Variants in LRRIQ1 observed in about 807,000 individuals in gnomAD.
The protein encoded by LRRIQ1 is leucine-rich repeat- and IQ domain-containing protein 1.
Under a neutral mutation model 211.9 loss-of-function variants are expected in LRRIQ1, and 210 were observed. That is an observed-to-expected ratio of 0.99 (90% CI 0.89 to 1.11). The LOEUF is 1.11. Ranked by LOEUF, LRRIQ1 falls within the 50% of genes most tolerant of loss-of-function variation. The probability of loss-of-function intolerance (pLI) is 0.00; values close to 1 mark genes in which losing one functional copy is unlikely to be tolerated. For missense variants in LRRIQ1, 2,136 were observed against 1,939.5 expected (o/e 1.10, Z -1.90); for synonymous variants, 699 against 650.1 (o/e 1.08, Z -1.14).
intron 19 of LRRIQ1, among the ~76,000 whole-genome samples, chr12:85,144,558 A>G (rs1297363469): frequency 6.6e-6 from 1 of 151,550 alleles, no homozygotes; most frequent in African/African-American, 2.4e-5. Context: ...ATTTTGGGCT[A>G]AGTGTCAGGC....
intron 5 of LRRIQ1, among the ~76,000 whole-genome samples, chr12:85,046,383 G>A (rs1879588961): frequency 6.6e-6 from 1 of 151,998 alleles, no homozygotes; most frequent in African/African-American, 2.4e-5. Flanking sequence ...GACTATCCCT[G>A]ACTTTATTTA....
chr12:85,076,015 A>G (rs559321295), intron 11 of LRRIQ1, among the ~76,000 whole-genome samples: 2 of 152,072 alleles, frequency 1.3e-5, no homozygotes, highest in Non-Finnish European at 2.9e-5. Flanking sequence ...TTATTCTTCT[A>G]TTCTTCTACT....
intron 17 of LRRIQ1, 139 bp from the exon 18 acceptor site, chr12:85,127,693 A>T: frequency 1.4e-6 from 1 of 704,386 alleles, no homozygotes. Flanking sequence ...ACAATGGTTA[A>T]ACAAAAGAAG....
intron 11 of LRRIQ1, among the ~76,000 whole-genome samples, chr12:85,078,423 GT>G (rs1197953031): frequency 6.6e-6 from 1 of 152,086 alleles, no homozygotes; most frequent in Non-Finnish European, 1.5e-5. Flanking sequence ...GAGTAGGCTT[GT>G]TTTTTACAAC....
rs200921929 is a variant in LRRIQ1, at chr12:85,217,550, G to GTA, written c.4823-11962_4823-11961dup. ...TGTGTGTGTGTGTGTGTGTGTGTGTGTATATAGGTATATATATGTGTGTAT... is the reference window on the plus strand; with the variant it reads ...TGTGTGTGTGTGTGTGTGTGTGTGTGTATATATAGGTATATATATGTGTGTAT... On this transcript the variant is annotated intron_variant, in intron 24 of 26. Coordinates refer to ENST00000393217, the MANE Select transcript of LRRIQ1 (RefSeq NM_001079910.2). Among the ~76,000 whole-genome samples the GTA allele has an allele frequency of 1.7e-4, 17 of 99,802 alleles. No individual in the cohort carries two copies. In the East Asian group the frequency reaches 1.9e-3, roughly 11 times the overall value. 65.5% of individuals were successfully genotyped at this position (99,802 alleles called of 152,430 possible).
At chr12:85,094,623 G>A (rs1885700710) in intron 11 of LRRIQ1, among the ~76,000 whole-genome samples, 1 of 151,908 alleles carries the variant, frequency 6.6e-6, no homozygotes, top group Non-Finnish European at 1.5e-5. Flanking sequence ...ATTAATTTTA[G>A]AATAGTTTTT....
rs1171793620 is a variant in LRRIQ1, at chr12:85,250,896, TATATATTATATATA to T, written c.121+5995_121+6008del. ...ATATTATATTATATATAATATATTT[TATATATTATATATA>T]ATATATTTTATATATTATATATTAT... is the stretch of plus-strand genomic sequence containing the variant. On this transcript the variant is annotated intron_variant, in intron 1 of 1. Transcript: ENST00000602731. Among the ~76,000 whole-genome samples, 31 of 100,372 alleles carry T rather than the reference TATATATTATATATA, an allele frequency of 3.1e-4. No homozygotes were observed. In the South Asian group the frequency reaches 6.2e-3, roughly 20 times the overall value. 65.8% of individuals were successfully genotyped at this position (100,372 alleles called of 152,430 possible).
At chr12:85,089,340 A>G (rs886372650) in intron 11 of LRRIQ1, among the ~76,000 whole-genome samples, 11 of 152,206 alleles carry the variant, frequency 7.2e-5, no homozygotes, top group Non-Finnish European at 1.0e-4. Context: ...AAAATTTTGA[A>G]ACAGCTTTGG....
chr12:85,168,679 T>C (rs1310689909), intron 24 of LRRIQ1, among the ~76,000 whole-genome samples: 1 of 152,226 alleles, frequency 6.6e-6, no homozygotes, highest in East Asian at 1.9e-4. Flanking sequence ...AAGAGTACCA[T>C]ATATTGGACA....
chr12:85,098,435 A>G lies in LRRIQ1; in HGVS notation c.2968A>G (p.Thr990Ala). The change falls in exon 12 of 27, where the codon ACA becomes GCA. Residue 990 changes from threonine to alanine, a missense_variant. Coordinates refer to ENST00000393217, the MANE Select transcript of LRRIQ1 (RefSeq NM_001079910.2). Reference protein sequence around the residue: ...QLINTKGLCDTPTIVYLDCSH... With the variant: ...QLINTKGLCDAPTIVYLDCSH... ...AATTAATACAAAAGGTCTTTGTGATACACCTACCATTGTATACCTAGATTG... is the reference window on the plus strand; with the variant it reads ...AATTAATACAAAAGGTCTTTGTGATGCACCTACCATTGTATACCTAGATTG... 5.0e-6 allele frequency: 8 copies of G among 1,610,864 alleles called. No homozygotes were observed. The highest frequency in any genetic ancestry group is 5.9e-6 in the Non-Finnish European group (7 of 1,177,958).
chr12:85,140,787 A>ATGC (rs955352979), intron 19 of LRRIQ1, among the ~76,000 whole-genome samples: 1 of 151,210 alleles, frequency 6.6e-6, no homozygotes, highest in African/African-American at 2.4e-5. Context: ...AGAGATTAAG[A>ATGC]TGCTGCTGCT....
chr12:85,256,447 A>C (rs556385718), intron 1 of LRRIQ1, among the ~76,000 whole-genome samples: 2 of 151,810 alleles, frequency 1.3e-5, no homozygotes, highest in South Asian at 4.1e-4. Context: ...GTTAAATATG[A>C]AATGCATTTG....
intron 18 of LRRIQ1, among the ~76,000 whole-genome samples, chr12:85,135,987 G>GA (rs1296203328): frequency 8.6e-5 from 13 of 151,204 alleles, no homozygotes; most frequent in East Asian, 1.9e-4. Flanking sequence ...ATATTTTTAG[G>GA]AAAAAAAATA....
At chr12:85,203,376 T>C (rs1357270764) in intron 24 of LRRIQ1, among the ~76,000 whole-genome samples, 1 of 151,842 alleles carries the variant, frequency 6.6e-6, no homozygotes, top group East Asian at 2.0e-4. Flanking sequence ...TAAATTGCTA[T>C]CAGTAGAGTG....
Position 85,152,336 on chromosome 12 carries a change from A to G in LRRIQ1, c.4386A>G (p.Thr1462=), listed in dbSNP as rs572799355. The part of the protein sequence containing the change: ...ALDSTRFPSQ[T]LLLSNQLHWP... The stretch of plus-strand genomic sequence containing the variant: ...ATTCCACCCGCTTCCCTTCACAAAC[A>G]CTGCTTCTTTCAAACCAGCTGCATT... Residue 1462 remains threonine (T), a synonymous_variant, in exon 20 of 27, where the codon ACA becomes ACG. Transcript: ENST00000393217. The G allele has an allele frequency of 1.9e-6, 3 of 1,611,488 alleles. No individual in the cohort carries two copies. The highest frequency in any genetic ancestry group is 2.2e-5 in the East Asian group (1 of 44,792).
At chr12:85,187,846 C>A (rs1892303485) in intron 24 of LRRIQ1, among the ~76,000 whole-genome samples, 2 of 151,070 alleles carry the variant, frequency 1.3e-5, no homozygotes, top group African/African-American at 4.9e-5. Flanking sequence ...TAGGTCTGAT[C>A]TTTTTGCTGC....
chr12:85,133,866 A>G lies in LRRIQ1; in HGVS notation c.4210-3984A>G, dbSNP rs1365740240. On this transcript the variant is annotated intron_variant, in intron 18 of 26. Coordinates refer to ENST00000393217, the MANE Select transcript of LRRIQ1 (RefSeq NM_001079910.2). ...AGTCTGGGAAAAGAAAATCTCTACTATACTGTATCAGATAAATCAGACTAT... is the reference window on the plus strand; with the variant it reads ...AGTCTGGGAAAAGAAAATCTCTACTGTACTGTATCAGATAAATCAGACTAT... Among the ~76,000 whole-genome samples, 3 of 152,144 alleles carry G rather than the reference A, an allele frequency of 2.0e-5. No individual in the cohort carries two copies. In the East Asian group the frequency reaches 5.8e-4, roughly 29 times the overall value.
intron 11 of LRRIQ1, among the ~76,000 whole-genome samples, chr12:85,083,903 A>G (rs1884552725): frequency 6.6e-6 from 1 of 152,168 alleles, no homozygotes; most frequent in South Asian, 2.1e-4. Context: ...AATTCTCTTA[A>G]CAATAAATTG....
intron 1 of LRRIQ1, among the ~76,000 whole-genome samples, chr12:85,250,780 ATATAT>A (rs1030440794): frequency 2.4e-5 from 3 of 125,922 alleles, no homozygotes; most frequent in African/African-American, 9.0e-5. Flanking sequence ...GAAAATATAT[ATATAT>A]TATATTATAG....
Sources: gnomAD v4.1 joint callset for allele counts (sites outside exome capture counted in the v4.1 genomes callset) on GRCh38, gnomAD v4.1.1 for gene constraint, MANE v1.5 for transcripts, NCBI Gene and HGNC (gene_info 2026-07-23, HGNC 2026-07-21) for gene names.